Variants in FGF14 observed in about 807,000 individuals in gnomAD.
The protein encoded by FGF14 is fibroblast growth factor 14, also known as fibroblast growth factor homologous factor 4.
Under a neutral mutation model 25.5 loss-of-function variants are expected in FGF14, and 5 were observed. The observed-to-expected ratio is 0.20, with a 90% CI of 0.10 to 0.41. FGF14 has a LOEUF of 0.41. Ranked by LOEUF, FGF14 falls within the 10% of genes least tolerant of loss-of-function variation. The probability of loss-of-function intolerance (pLI) is 1.00; values close to 1 mark genes in which losing one functional copy is unlikely to be tolerated. For synonymous variants in FGF14, 138 were observed against 118.3 expected, an observed-to-expected ratio of 1.17 and a Z score of -1.08; for missense variants, 222 against 320.1, an observed-to-expected ratio of 0.69 and a Z score of 2.34.
intron 1 of FGF14, among the ~76,000 whole-genome samples, chr13:101,930,406 G>C (rs2034670726): frequency 6.6e-6 from 1 of 152,092 alleles, no homozygotes; most frequent in South Asian, 2.1e-4. Context: ...ATACTTCATT[G>C]TATTTATAGC....
chr13:101,841,968 C>A (rs1407534137), intron 3 of FGF14, among the ~76,000 whole-genome samples: 2 of 151,940 alleles, frequency 1.3e-5, no homozygotes, highest in Non-Finnish European at 2.9e-5. Flanking sequence ...AATTACCCTG[C>A]AGGATATGAC....
intron 1 of FGF14, among the ~76,000 whole-genome samples, chr13:102,193,094 A>C (rs558554816): frequency 6.6e-6 from 1 of 152,254 alleles, no homozygotes; most frequent in East Asian, 1.9e-4. Flanking sequence ...AATTAGTGTG[A>C]GTCTTCTTGG....
At chr13:101,917,444 G>A (rs1486754964), upstream of FGF14, among the ~76,000 whole-genome samples, 12 of 152,184 alleles carry the variant, frequency 7.9e-5, no homozygotes, top group Admixed American at 5.9e-4. Flanking sequence ...CAAAGCAGGT[G>A]GAATTGAAGG....
intron 1 of FGF14, among the ~76,000 whole-genome samples, chr13:102,263,572 G>C (rs1234095554): frequency 6.6e-6 from 1 of 152,078 alleles, no homozygotes; most frequent in Admixed American, 6.6e-5. Flanking sequence ...CATATACTTA[G>C]TTCACTTTTT....
intron 1 of FGF14, among the ~76,000 whole-genome samples, chr13:102,291,668 G>C (rs1194782933): frequency 3.3e-5 from 5 of 152,096 alleles, no homozygotes; most frequent in Non-Finnish European, 5.9e-5. Flanking sequence ...ACCAAGGAAA[G>C]AATGTTAAAG....
At chr13:101,776,017 C>A (rs2039080489) in intron 3 of FGF14, among the ~76,000 whole-genome samples, 1 of 152,114 alleles carries the variant, frequency 6.6e-6, no homozygotes, top group Admixed American at 6.6e-5. Context: ...AAATTCAAAA[C>A]CAGCCTAGTC....
chr13:102,381,998 A>G (rs2058194005), intron 1 of FGF14, among the ~76,000 whole-genome samples: 1 of 152,190 alleles, frequency 6.6e-6, no homozygotes, highest in Non-Finnish European at 1.5e-5. Context: ...AATTAAGTCA[A>G]AACAGATCAC....
intron 3 of FGF14, among the ~76,000 whole-genome samples, chr13:101,812,938 A>G (rs1289538609): frequency 6.6e-6 from 1 of 151,962 alleles, no homozygotes; most frequent in Non-Finnish European, 1.5e-5. Context: ...AAGTGCTGGG[A>G]TTAGAGGCGT....
chr13:101,961,860 T>A (rs553868589), intron 1 of FGF14, among the ~76,000 whole-genome samples: 1 of 152,306 alleles, frequency 6.6e-6, no homozygotes, highest in South Asian at 2.1e-4. Flanking sequence ...CTTTCCTTTA[T>A]AAATTATCCA....
chr13:102,391,299 G>A (rs146675153), intron 1 of FGF14, among the ~76,000 whole-genome samples: 69 of 152,240 alleles, frequency 4.5e-4, no homozygotes, highest in African/African-American at 1.5e-3. Context: ...AAAGCTGGGC[G>A]GACTTTATGG....
In FGF14 at chr13:102,258,146, C is replaced by G. The variant is rs113152431; in HGVS notation, c.208+143325G>C. Reference sequence around the variant, plus strand: ...CATCAGATCTTGTAAGACTTCTTCACTACCATGAGAAGAGTATGGGGAAGC... The same window carrying G: ...CATCAGATCTTGTAAGACTTCTTCAGTACCATGAGAAGAGTATGGGGAAGC... On this transcript the variant is annotated intron_variant, in intron 1 of 4. Coordinates refer to the FGF14 transcript ENST00000376131. 4.0e-3 allele frequency among the ~76,000 whole-genome samples: 612 copies of G among 152,270 alleles called. 6 individuals carry two copies. The highest frequency in any genetic ancestry group is 0.014 in the African/African-American group (593 of 41,556).
At chr13:101,914,180 A>G (rs2139104021) in intron 1 of FGF14, among the ~76,000 whole-genome samples, 1 of 151,482 alleles carries the variant, frequency 6.6e-6, no homozygotes, top group Non-Finnish European at 1.5e-5. Flanking sequence ...ATGTTCGACA[A>G]TAAGACTTAA....
rs2044072336 is a variant in FGF14 at position 102,089,444 on chromosome 13, TAAG to T, written c.209-214151_209-214149del. Among the ~76,000 whole-genome samples, 7 of 152,200 alleles carry T rather than the reference TAAG, an allele frequency of 4.6e-5. No homozygotes were observed. In the South Asian group the frequency reaches 1.4e-3, roughly 31 times the overall value. ...CCATTCATGCCCTGCAGTGTGACTA[TAAG>T]AAGCACTAATATACCTGGATAAAAT... On this transcript the variant is annotated intron_variant, in intron 1 of 4. Transcript: ENST00000376131.
Position 102,267,323 on chromosome 13 carries a change from T to C in FGF14, c.208+134148A>G, listed in dbSNP as rs940632783. ...GCACTGAACACTGTGCTTAGAACAGTGTGGTGGAGAAAAAGCAAATTGGGA... is the reference window on the plus strand; with the variant it reads ...GCACTGAACACTGTGCTTAGAACAGCGTGGTGGAGAAAAAGCAAATTGGGA... On this transcript the variant is annotated intron_variant, in intron 1 of 4. Transcript: ENST00000376131. 2.6e-5 allele frequency among the ~76,000 whole-genome samples: 4 copies of C among 152,056 alleles called. No individual in the cohort carries two copies. In the East Asian group the frequency reaches 7.7e-4, roughly 29 times the overall value.
intron 1 of FGF14, among the ~76,000 whole-genome samples, chr13:102,288,483 G>A (rs973342574): frequency 1.3e-5 from 2 of 151,932 alleles, no homozygotes; most frequent in Non-Finnish European, 2.9e-5. Context: ...TGACACAAAA[G>A]TATCCACTTT....
intron 1 of FGF14, among the ~76,000 whole-genome samples, chr13:102,224,101 T>C (rs1044313892): frequency 2.6e-5 from 4 of 152,220 alleles, no homozygotes; most frequent in Admixed American, 6.5e-5. Context: ...TATTTGGTTG[T>C]GAAAAAGTAG....
chr13:102,164,939 A>G (rs546812732), intron 1 of FGF14, among the ~76,000 whole-genome samples: 52 of 152,336 alleles, frequency 3.4e-4, no homozygotes, highest in Middle Eastern at 3.4e-3. Context: ...AATTGAAAAG[A>G]TTAGTATTAG....
At chr13:102,401,633 A>G (rs773941026) in exon 1 of FGF14, 19 of 1,614,056 alleles carry the variant, frequency 1.2e-5, no homozygotes, top group Non-Finnish European at 1.3e-5. Flanking sequence ...TTGCATAATA[A>G]TAATTTGAAA....
At chr13:101,812,777 C>T (rs145126365) in intron 3 of FGF14, among the ~76,000 whole-genome samples, 2,317 of 147,274 alleles carry the variant, frequency 0.016, 32 homozygotes, top group Middle Eastern at 0.026. Flanking sequence ...AGCAATTCTC[C>T]TGCCTCAGCC....
Sources: gnomAD v4.1 joint callset for allele counts (sites outside exome capture counted in the v4.1 genomes callset) on GRCh38, gnomAD v4.1.1 for gene constraint, MANE v1.5 for transcripts, NCBI Gene and HGNC (gene_info 2026-07-23, HGNC 2026-07-21) for gene names.